Variants in TMPRSS7 observed in about 807,000 individuals in gnomAD.
The protein encoded by TMPRSS7 is transmembrane protease serine 7.
Under a neutral mutation model 95.6 loss-of-function variants are expected in TMPRSS7, and 81 were observed. That is an observed-to-expected ratio of 0.85 (90% CI 0.71 to 1.02). The LOEUF (loss-of-function observed/expected upper bound fraction) is 1.02, where lower values mean the gene tolerates loss of function less well. TMPRSS7 is among the 50% of genes least tolerant of loss of function. The probability of loss-of-function intolerance (pLI) is 0.00; values close to 1 mark genes in which losing one functional copy is unlikely to be tolerated. For missense variants in TMPRSS7, 945 were observed against 955.2 expected, an observed-to-expected ratio of 0.99 and a Z score of 0.14; for synonymous variants, 364 against 337.8, an observed-to-expected ratio of 1.08 and a Z score of -0.85.
chr3:112,061,101 G>T (rs1301931444), intron 10 of TMPRSS7, among the ~76,000 whole-genome samples: 1 of 152,078 alleles, frequency 6.6e-6, no homozygotes, highest in African/African-American at 2.4e-5. Flanking sequence ...ATCTACACAG[G>T]GCGGTGGACT....
intron 1 of TMPRSS7, among the ~76,000 whole-genome samples, chr3:112,037,168 C>T (rs555115261): frequency 1.4e-4 from 21 of 152,276 alleles, no homozygotes; most frequent in African/African-American, 5.1e-4. Context: ...GTCTGACTGC[C>T]ATGCAGGACA....
At chr3:112,059,713 C>G (rs950199458) in intron 10 of TMPRSS7, among the ~76,000 whole-genome samples, 1 of 152,222 alleles carries the variant, frequency 6.6e-6, no homozygotes, top group Non-Finnish European at 1.5e-5. Context: ...CTTCCTCATA[C>G]CTCAGGAGTT....
intron 10 of TMPRSS7, among the ~76,000 whole-genome samples, chr3:112,058,379 C>T (rs1559958345): frequency 6.6e-6 from 1 of 152,180 alleles, no homozygotes; most frequent in Non-Finnish European, 1.5e-5. Context: ...CAAGTTCCAG[C>T]TCTATCGTTT....
At chr3:112,054,265 C>A (rs911169324) in intron 9 of TMPRSS7, among the ~76,000 whole-genome samples, 1 of 152,164 alleles carries the variant, frequency 6.6e-6, no homozygotes, top group Non-Finnish European at 1.5e-5. Flanking sequence ...TTAAATATTA[C>A]AGGTCCAGAT....
intron 16 of TMPRSS7, 109 bp from the exon 17 acceptor site, chr3:112,078,633 G>A (rs2073740646): frequency 1.4e-6 from 2 of 1,391,478 alleles, no homozygotes; most frequent in Non-Finnish European, 2.0e-6. Flanking sequence ...CAAGGGAATT[G>A]CCGCTATGAG....
chr3:112,065,977 GC>G lies in TMPRSS7; in HGVS notation c.1556-414del, dbSNP rs371578770. Among the ~76,000 whole-genome samples, 676 of 152,240 alleles carry G rather than the reference GC, an allele frequency of 4.4e-3. 23 individuals carry two copies. The East Asian group carries it at 0.065, about 15-fold the overall frequency. The stretch of plus-strand genomic sequence containing the variant: ...TTCAACAAACCTTGAGTAAACAACT[GC>G]TATTTGTTCGGGGGCTTGAGGTACG... On this transcript the variant is annotated intron_variant, in intron 12 of 17. Coordinates refer to ENST00000452346, the Ensembl canonical transcript of TMPRSS7.
intron 9 of TMPRSS7, among the ~76,000 whole-genome samples, chr3:112,054,847 C>T (rs1376373942): frequency 1.4e-5 from 2 of 146,642 alleles, no homozygotes; most frequent in East Asian, 2.1e-4. Context: ...TCACGCCATT[C>T]TCCTGCCTCA....
intron 13 of TMPRSS7, among the ~76,000 whole-genome samples, chr3:112,071,973 C>T (rs2107760467): frequency 6.6e-6 from 1 of 152,314 alleles, no homozygotes. Flanking sequence ...AATTCTCCTC[C>T]AGCTTTGTTC....
Position 112,034,891 on chromosome 3 carries a change from AAAG to A in TMPRSS7, c.47_48+1del. ...TGTTTCAGCCGCACCTGCTGACCTG[AAAG>A]TAAGTACAGGGTGAGAAACTTTCTC... On this transcript the variant is annotated splice_donor_variant and coding_sequence_variant, in exon 1 of 18. Transcript: ENST00000452346. LOFTEE classifies it high-confidence loss of function. 1 of 702,956 alleles carries A rather than the reference AAAG, an allele frequency of 1.4e-6. No individual in the cohort carries two copies. 43.5% of individuals were successfully genotyped at this position (702,956 alleles called of 1,614,324 possible). A position where few individuals can be genotyped will look rare whatever the true frequency, so the allele number is the denominator to read the frequency against.
In TMPRSS7 at chr3:112,041,806, G is replaced by A. The variant is rs77532294; in HGVS notation, c.299-114G>A. ...TCACAGGCTCTGAACCAGTTAGTAT[G>A]TAGCTGCCTAAAATAAAATTATTTT... On this transcript the variant is annotated intron_variant, in intron 2 of 17. Coordinates refer to ENST00000452346, the Ensembl canonical transcript of TMPRSS7. 791 of 682,938 alleles carry A rather than the reference G, an allele frequency of 1.2e-3. 10 individuals carry two copies. The East Asian group carries it at 0.02, about 17-fold the overall frequency. 42.3% of individuals were successfully genotyped at this position (682,938 alleles called of 1,614,324 possible). A position where few individuals can be genotyped will look rare whatever the true frequency, so the allele number is the denominator to read the frequency against.
exon 18 of TMPRSS7, chr3:112,081,081 G>A: frequency 6.3e-7 from 1 of 1,594,816 alleles, no homozygotes. Context: ...CTTCTCTTTT[G>A]TAATTGTACC....
At chr3:112,081,191 G>A (rs2073774997), downstream of TMPRSS7, 13 of 1,097,496 alleles carry the variant, frequency 1.2e-5, no homozygotes, top group Middle Eastern at 8.8e-4. Flanking sequence ...CCAGCACGTT[G>A]GGAGGCCGAG....
chr3:112,071,253 T>C (rs1039368040), intron 13 of TMPRSS7, among the ~76,000 whole-genome samples: 6 of 152,228 alleles, frequency 3.9e-5, no homozygotes, highest in Non-Finnish European at 5.9e-5. Flanking sequence ...TTCTTTTCTT[T>C]AAGAATGTTG....
chr3:112,081,029 C>T, exon 18 of TMPRSS7: 1 of 1,613,542 alleles, frequency 6.2e-7, no homozygotes, highest in East Asian at 2.2e-5. Context: ...GGTGTTTACA[C>T]AAGGGTGTCA....
At chr3:112,040,769 G>A (rs1010838258) in intron 2 of TMPRSS7, among the ~76,000 whole-genome samples, 1 of 152,196 alleles carries the variant, frequency 6.6e-6, no homozygotes, top group Admixed American at 6.5e-5. Flanking sequence ...AGCAAAGGGA[G>A]ACTGGTATGG....
chr3:112,054,785 C>T (rs113716380), intron 9 of TMPRSS7, among the ~76,000 whole-genome samples: 1 of 133,644 alleles, frequency 7.5e-6, no homozygotes, highest in South Asian at 2.4e-4. Context: ...CTGTCGCCCA[C>T]GCTGGAGTGC....
At chr3:112,062,812 C>G (rs569229099) in intron 11 of TMPRSS7, among the ~76,000 whole-genome samples, 1 of 152,226 alleles carries the variant, frequency 6.6e-6, no homozygotes, top group East Asian at 1.9e-4. Context: ...TTCCCCCATT[C>G]TTTTGCAAAA....
At chr3:112,067,569 T>G (rs2073592454) in intron 13 of TMPRSS7, among the ~76,000 whole-genome samples, 1 of 152,270 alleles carries the variant, frequency 6.6e-6, no homozygotes, top group Admixed American at 6.5e-5. Context: ...TTTTCATTTC[T>G]CTGATGACCA....
intron 9 of TMPRSS7, among the ~76,000 whole-genome samples, chr3:112,051,048 AT>A (rs1008153766): frequency 1.3e-5 from 2 of 152,166 alleles, no homozygotes; most frequent in African/African-American, 4.8e-5. Context: ...AGGTTCAATT[AT>A]TGTATTATGA....
Sources: gnomAD v4.1 joint callset for allele counts (sites outside exome capture counted in the v4.1 genomes callset) on GRCh38, gnomAD v4.1.1 for gene constraint, MANE v1.5 for transcripts, NCBI Gene and HGNC (gene_info 2026-07-23, HGNC 2026-07-21) for gene names.